CAST: variants seen among roughly 807,000 people sequenced by gnomAD.
The protein encoded by CAST is calpastatin.
CAST carries 76 observed loss-of-function variants against 119.6 expected under a neutral mutation model. That is an observed-to-expected ratio of 0.64 (90% CI 0.53 to 0.77). The LOEUF is 0.77. Among genes scored for constraint, CAST ranks in the 30% least tolerant of loss-of-function variants. CAST has a pLI of 0.00. For synonymous variants in CAST, 319 were observed against 331.6 expected (o/e 0.96, Z 0.41); for missense variants, 953 against 946.5 (o/e 1.01, Z -0.09).
the CAST span, among the ~76,000 whole-genome samples, chr5:95,969,965 T>C: frequency 6.6e-6 from 1 of 152,202 alleles, no homozygotes; most frequent in African/African-American, 2.4e-5. Context: ...CCCACTCTAA[T>C]GGCAACACAC....
At chr5:96,265,236 TC>T in the CAST span, among the ~76,000 whole-genome samples, 3 of 152,132 alleles carry the variant, frequency 2.0e-5, no homozygotes, top group Non-Finnish European at 4.4e-5. Context: ...GTCAGTGTTC[TC>T]CGGAGAAACA....
chr5:96,682,362 C>T (rs28040), intron 2 of CAST, among the ~76,000 whole-genome samples: 5 of 151,962 alleles, frequency 3.3e-5, no homozygotes, highest in African/African-American at 4.8e-5. Context: ...TTTTGGTTTT[C>T]GTTTTTGGTT....
the CAST span, chr5:95,980,220 A>G: frequency 6.6e-6 from 1 of 152,240 alleles, no homozygotes; most frequent in Non-Finnish European, 1.5e-5. Context: ...ATATGGAAGT[A>G]TACCTAGGTA....
At chr5:96,741,637 C>T in intron 15 of CAST, 57 bp downstream of exon 15, 1 of 1,134,874 alleles carries the variant, frequency 8.8e-7, no homozygotes, top group African/African-American at 1.5e-5. Context: ...CTAGCTCATT[C>T]AGGAAACTGC....
chr5:96,301,608 C>T, the CAST span, among the ~76,000 whole-genome samples: 124,727 of 152,058 alleles, frequency 0.82, 52,465 homozygotes, highest in Non-Finnish European at 0.92. Flanking sequence ...ACACCCATTA[C>T]AAGAGGGAGA....
At chr5:96,094,023 T>A in the CAST span, among the ~76,000 whole-genome samples, 36 of 151,854 alleles carry the variant, frequency 2.4e-4, no homozygotes, top group East Asian at 6.8e-3. Flanking sequence ...CTTAAAGGCA[T>A]GCCTTATTTC....
At chr5:96,482,706 T>C in the CAST span, among the ~76,000 whole-genome samples, 4 of 152,284 alleles carry the variant, frequency 2.6e-5, no homozygotes, top group Non-Finnish European at 5.9e-5. Context: ...TTTATCTTCA[T>C]GGCTGTGGTG....
intron 1 of CAST, among the ~76,000 whole-genome samples, chr5:96,668,119 A>C (rs1749575715): frequency 6.6e-6 from 1 of 151,640 alleles, no homozygotes; most frequent in Admixed American, 6.6e-5. Flanking sequence ...TTTATCTGTT[A>C]ACCGTCACAG....
chr5:96,143,340 A>T, the CAST span, among the ~76,000 whole-genome samples: 2 of 152,226 alleles, frequency 1.3e-5, no homozygotes, highest in Non-Finnish European at 2.9e-5. Context: ...AGGTGGGGAT[A>T]GTGTGCCACC....
intron 16 of CAST, among the ~76,000 whole-genome samples, 179 bp downstream of exon 16, chr5:96,742,935 C>T (rs1157917583): frequency 6.6e-6 from 1 of 152,192 alleles, no homozygotes; most frequent in Non-Finnish European, 1.5e-5. Context: ...ACATGACTGA[C>T]TTGTGAAACA....
chr5:96,371,389 C>T, the CAST span, among the ~76,000 whole-genome samples: 37 of 152,178 alleles, frequency 2.4e-4, no homozygotes, highest in Admixed American at 6.5e-5. Context: ...CTACTTGAAT[C>T]GCTGTCAACT....
chr5:96,114,482 C>T, the CAST span, among the ~76,000 whole-genome samples: 8 of 152,094 alleles, frequency 5.3e-5, no homozygotes, highest in Non-Finnish European at 7.3e-5. Flanking sequence ...ATAGGAAACT[C>T]GTGAAAAGGT....
chr5:96,402,251 G>C, the CAST span, among the ~76,000 whole-genome samples: 1 of 152,182 alleles, frequency 6.6e-6, no homozygotes. Flanking sequence ...CGATTTCAAA[G>C]GTCTTACCTG....
the CAST span, among the ~76,000 whole-genome samples, chr5:96,242,483 A>T: frequency 6.6e-6 from 1 of 152,120 alleles, no homozygotes; most frequent in Non-Finnish European, 1.5e-5. Flanking sequence ...GAAGCCAAAG[A>T]AGTGTGTTTG....
chr5:96,136,611 A>G, the CAST span, among the ~76,000 whole-genome samples: 257 of 152,334 alleles, frequency 1.7e-3, 1 homozygote, highest in Non-Finnish European at 3.2e-3. Context: ...ATATATACAT[A>G]TATGAATATA....
the CAST span, among the ~76,000 whole-genome samples, chr5:96,262,991 A>G: frequency 5.9e-5 from 9 of 152,120 alleles, no homozygotes; most frequent in Admixed American, 5.9e-4. Flanking sequence ...GTCCTGCTAT[A>G]TGTGTGGTCC....
chr5:96,072,452 G>A, the CAST span, among the ~76,000 whole-genome samples: 13 of 152,088 alleles, frequency 8.5e-5, no homozygotes, highest in African/African-American at 2.9e-4. Flanking sequence ...AGCTTTTACA[G>A]GTGCTTCAGC....
intron 2 of CAST, among the ~76,000 whole-genome samples, chr5:96,684,682 C>T (rs1751849283): frequency 1.3e-5 from 2 of 151,972 alleles, no homozygotes; most frequent in Admixed American, 1.3e-4. Flanking sequence ...CCTGCCTTAG[C>T]CTCCCAAGTA....
the CAST span, among the ~76,000 whole-genome samples, chr5:96,381,390 A>C: frequency 6.6e-6 from 1 of 152,272 alleles, no homozygotes; most frequent in South Asian, 2.1e-4. Context: ...AATAATGTTG[A>C]GTGTGAGTGG....
Sources: gnomAD v4.1 joint callset for allele counts (sites outside exome capture counted in the v4.1 genomes callset) on GRCh38, gnomAD v4.1.1 for gene constraint, MANE v1.5 for transcripts, NCBI Gene and HGNC (gene_info 2026-07-23, HGNC 2026-07-21) for gene names.